The following DOK5 variants were observed in gnomAD, a reference collection of about 807,000 sequenced individuals.
DOK5 encodes the protein docking protein 5.
A neutral mutation model predicts 43.3 loss-of-function variants in DOK5; 27 were observed. That is an observed-to-expected ratio of 0.62 (90% CI 0.46 to 0.86). DOK5 has a LOEUF of 0.86. Ranked by LOEUF, DOK5 falls within the 40% of genes least tolerant of loss-of-function variation. The probability of loss-of-function intolerance (pLI) is 0.00; values close to 1 mark genes in which losing one functional copy is unlikely to be tolerated. For missense variants in DOK5, 373 were observed against 392.9 expected (o/e 0.95, Z 0.43); for synonymous variants, 146 against 140.1 (o/e 1.04, Z -0.30).
chr20:54,561,475 T>C (rs1465794064), intron 2 of DOK5, among the ~76,000 whole-genome samples: 2 of 152,330 alleles, frequency 1.3e-5, no homozygotes, highest in East Asian at 3.9e-4. Flanking sequence ...GTCAGCCATC[T>C]TGGCCCATGA....
chr20:54,511,310 A>G (rs1377937802), intron 1 of DOK5, among the ~76,000 whole-genome samples: 2 of 152,208 alleles, frequency 1.3e-5, no homozygotes, highest in Non-Finnish European at 2.9e-5. Flanking sequence ...TAGGTGCTCA[A>G]TAAAAGTTAT....
At chr20:54,584,684 GTA>G (rs146018028) in intron 2 of DOK5, among the ~76,000 whole-genome samples, 2,810 of 149,012 alleles carry the variant, frequency 0.019, 87 homozygotes, top group African/African-American at 0.065. Context: ...GTATGTGTGT[GTA>G]TATATATATA....
intron 1 of DOK5, among the ~76,000 whole-genome samples, chr20:54,513,590 G>T (rs1983089536): frequency 6.6e-6 from 1 of 151,516 alleles, no homozygotes; most frequent in Non-Finnish European, 1.5e-5. Context: ...TAATTCAGAA[G>T]TGTGTCACTA....
chr20:54,567,448 T>A (rs1051655690), intron 2 of DOK5, among the ~76,000 whole-genome samples: 1 of 152,224 alleles, frequency 6.6e-6, no homozygotes, highest in Non-Finnish European at 1.5e-5. Context: ...TATTCTTTCC[T>A]TATTGAATTG....
intron 1 of DOK5, among the ~76,000 whole-genome samples, chr20:54,552,086 C>G (rs1984548822): frequency 6.6e-6 from 1 of 152,180 alleles, no homozygotes; most frequent in South Asian, 2.1e-4. Context: ...TCTTGGCCTC[C>G]CAAAGTGCTG....
intron 1 of DOK5, among the ~76,000 whole-genome samples, chr20:54,552,461 AT>A (rs1222792812): frequency 2.0e-5 from 3 of 151,818 alleles, no homozygotes; most frequent in Non-Finnish European, 4.4e-5. Flanking sequence ...CTATATTACT[AT>A]TTTTTATAAA....
At chr20:54,635,422 G>A (rs541091450) in intron 6 of DOK5, among the ~76,000 whole-genome samples, 4 of 152,140 alleles carry the variant, frequency 2.6e-5, no homozygotes, top group African/African-American at 9.6e-5. Context: ...TCTGAAGCCT[G>A]GCACCTGAAG....
At chr20:54,630,917 A>C (rs1000254144) in intron 6 of DOK5, among the ~76,000 whole-genome samples, 1 of 152,232 alleles carries the variant, frequency 6.6e-6, no homozygotes, top group African/African-American at 2.4e-5. Context: ...AGTAGGTCCC[A>C]GGATGAAAAT....
chr20:54,575,829 C>G (rs1304409860), intron 2 of DOK5, among the ~76,000 whole-genome samples: 2 of 152,178 alleles, frequency 1.3e-5, no homozygotes, highest in Non-Finnish European at 2.9e-5. Flanking sequence ...TGTGAACATG[C>G]ACATGCATGT....
rs115459329 is a variant in DOK5, at chr20:54,513,758, A to G, written c.66+37746A>G. 4.2e-3 allele frequency among the ~76,000 whole-genome samples: 644 copies of G among 152,360 alleles called. 4 individuals carry two copies. The highest frequency in any genetic ancestry group is 0.015 in the African/African-American group (618 of 41,584). ...GACTATCCTTTGTCTTCTGCAGAATAGGGTAAAAAAGAAAACACAATTATT... is the reference window on the plus strand; with the variant it reads ...GACTATCCTTTGTCTTCTGCAGAATGGGGTAAAAAAGAAAACACAATTATT... On this transcript the variant is annotated intron_variant, in intron 1 of 7. Coordinates refer to ENST00000262593, the MANE Select transcript of DOK5 (RefSeq NM_018431.5).
rs200469525 is a variant in DOK5 at position 54,476,922 on chromosome 20, A to AT, written c.66+917dup. Among the ~76,000 whole-genome samples, 1,104 of 151,386 alleles carry AT rather than the reference A, an allele frequency of 7.3e-3. 5 individuals are homozygous for AT. The highest frequency in any genetic ancestry group is 0.014 in the African/African-American group (562 of 41,236). On this transcript the variant is annotated intron_variant, in intron 1 of 7. Coordinates refer to ENST00000262593, the MANE Select transcript of DOK5 (RefSeq NM_018431.5). ...GAGGGAGAGGGAAGATACTGGAACG[A>AT]TTTTTTTATTTCCTAAAAATTTCAA... is the stretch of plus-strand genomic sequence containing the variant.
chr20:54,527,271 A>T (rs1465801087), intron 1 of DOK5, among the ~76,000 whole-genome samples: 1 of 152,086 alleles, frequency 6.6e-6, no homozygotes, highest in Non-Finnish European at 1.5e-5. Flanking sequence ...TTTTTTTTAA[A>T]TTCAATTTTT....
chr20:54,505,865 T>C (rs1982785728), intron 1 of DOK5, among the ~76,000 whole-genome samples: 2 of 152,134 alleles, frequency 1.3e-5, no homozygotes, highest in African/African-American at 4.8e-5. Context: ...GCCAGTGTAC[T>C]CAAAGCCCGC....
intron 5 of DOK5, among the ~76,000 whole-genome samples, chr20:54,600,765 G>A (rs141350139): frequency 3.8e-4 from 58 of 152,304 alleles, no homozygotes; most frequent in African/African-American, 1.2e-3. Flanking sequence ...ACCTGAAGCC[G>A]TTATCTTGAG....
intron 5 of DOK5, among the ~76,000 whole-genome samples, chr20:54,599,540 C>A (rs188725940): frequency 6.6e-6 from 1 of 152,296 alleles, no homozygotes; most frequent in Non-Finnish European, 1.5e-5. Flanking sequence ...TGAAGACAAA[C>A]AAGACAAGGC....
intron 1 of DOK5, among the ~76,000 whole-genome samples, chr20:54,481,031 CT>C (rs1421814292): frequency 2.2e-5 from 3 of 137,758 alleles, no homozygotes; most frequent in African/African-American, 9.5e-5. Flanking sequence ...TATCATCTAT[CT>C]ATCATCTATC....
At chr20:54,517,313 T>C (rs1983231120) in intron 1 of DOK5, among the ~76,000 whole-genome samples, 1 of 152,220 alleles carries the variant, frequency 6.6e-6, no homozygotes, top group Non-Finnish European at 1.5e-5. Context: ...GATGCTATTT[T>C]ACAGAAGTTT....
intron 6 of DOK5, among the ~76,000 whole-genome samples, chr20:54,616,784 C>G (rs73146057): frequency 9.5e-6 from 1 of 105,740 alleles, no homozygotes; most frequent in Non-Finnish European, 1.8e-5. Flanking sequence ...TTTTTTTTTT[C>G]TTTTTTTTTT....
intron 6 of DOK5, among the ~76,000 whole-genome samples, chr20:54,612,680 G>A (rs1438789824): frequency 6.6e-6 from 1 of 152,168 alleles, no homozygotes; most frequent in African/African-American, 2.4e-5. Flanking sequence ...TTGGCTTTCA[G>A]GCCTTCAGAC....
Sources: gnomAD v4.1 joint callset for allele counts (sites outside exome capture counted in the v4.1 genomes callset) on GRCh38, gnomAD v4.1.1 for gene constraint, MANE v1.5 for transcripts, NCBI Gene and HGNC (gene_info 2026-07-23, HGNC 2026-07-21) for gene names.